Variants in PRSS23 observed in about 807,000 individuals in gnomAD.
PRSS23 encodes serine protease 23.
In PRSS23, 25 loss-of-function variants were observed where a neutral mutation model predicts 34.7. The ratio of observed to expected loss-of-function variants is 0.72; its 90% CI spans 0.53 to 1.01. The LOEUF (loss-of-function observed/expected upper bound fraction) is 1.01, where lower values mean the gene tolerates loss of function less well. Among genes scored for constraint, PRSS23 ranks in the 50% least tolerant of loss-of-function variants. The probability of loss-of-function intolerance (pLI) is 0.00; values close to 1 mark genes in which losing one functional copy is unlikely to be tolerated. For missense variants in PRSS23, 445 were observed against 475.6 expected (o/e 0.94, Z 0.60); for synonymous variants, 176 against 186.6 (o/e 0.94, Z 0.46).
intron 2 of PRSS23, among the ~76,000 whole-genome samples, chr11:86,919,268 G>A (rs191686003): frequency 6.6e-6 from 1 of 152,304 alleles, no homozygotes; most frequent in Admixed American, 6.5e-5. Context: ...TTGGGAACCA[G>A]ACTCTTTTTA....
chr11:86,912,683 A>C (rs1948985537), intron 2 of PRSS23, among the ~76,000 whole-genome samples: 1 of 152,138 alleles, frequency 6.6e-6, no homozygotes. Flanking sequence ...AATTCATTAT[A>C]AGTCTATTCT....
At chr11:86,879,163 C>T (rs1173845892) in intron 2 of PRSS23, among the ~76,000 whole-genome samples, 1 of 150,380 alleles carries the variant, frequency 6.6e-6, no homozygotes, top group Non-Finnish European at 1.5e-5. Context: ...GCCGCCATCC[C>T]ATCTAGGAAG....
chr11:86,795,759 T>C (rs998184577), upstream of PRSS23, among the ~76,000 whole-genome samples: 7 of 152,220 alleles, frequency 4.6e-5, no homozygotes, highest in Non-Finnish European at 8.8e-5. Flanking sequence ...CCCCACTTAC[T>C]GAGTAAACTA....
In PRSS23 at chr11:86,807,769, C is replaced by G; in HGVS notation, c.126C>G (p.Pro42=). The G allele has an allele frequency of 6.2e-7, 1 of 1,614,128 alleles. No individual in the cohort carries two copies. The highest frequency in any genetic ancestry group is 8.5e-7 in the Non-Finnish European group (1 of 1,180,024). ...CATACCGCCTCCCTGTCGTCTTGCC[C>G]CAGTCTACCCTCAATTTAGCCAAGC... ...WPAYRLPVVL[P]QSTLNLAKPD... is the part of the protein sequence containing the mutation. Residue 42 remains proline (P), a synonymous_variant, in exon 2 of 2, where the codon CCC becomes CCG. Transcript: ENST00000280258.
chr11:86,895,347 G>A (rs1948867061), intron 2 of PRSS23, among the ~76,000 whole-genome samples: 1 of 151,942 alleles, frequency 6.6e-6, no homozygotes, highest in Admixed American at 6.6e-5. Flanking sequence ...AATCCAGCTT[G>A]CAAGGTTATG....
At chr11:86,794,302 C>T (rs546220569) in intron 1 of PRSS23, among the ~76,000 whole-genome samples, 5 of 152,060 alleles carry the variant, frequency 3.3e-5, no homozygotes, top group African/African-American at 9.7e-5. Flanking sequence ...ATCAGAGAAG[C>T]CCCATGCTGG....
chr11:86,908,189 A>T (rs903899930), intron 2 of PRSS23, among the ~76,000 whole-genome samples: 1 of 152,168 alleles, frequency 6.6e-6, no homozygotes, highest in Non-Finnish European at 1.5e-5. Context: ...CAAGATCCTG[A>T]TTTCAATTCT....
chr11:86,874,602 G>C (rs934198985), intron 2 of PRSS23, among the ~76,000 whole-genome samples: 2 of 152,106 alleles, frequency 1.3e-5, no homozygotes, highest in African/African-American at 2.4e-5. Flanking sequence ...AAAACTAGTC[G>C]GAGTTTACCT....
At chr11:86,805,084 G>A (rs1948083848) in intron 1 of PRSS23, among the ~76,000 whole-genome samples, 1 of 152,200 alleles carries the variant, frequency 6.6e-6, no homozygotes, top group Non-Finnish European at 1.5e-5. Flanking sequence ...CTCAAAGGGA[G>A]GAGAGAATGG....
At chr11:86,910,837 C>T (rs1161913948) in intron 2 of PRSS23, 1 of 152,082 alleles carries the variant, frequency 6.6e-6, no homozygotes, top group Non-Finnish European at 1.5e-5. Context: ...TGTGACTCAT[C>T]TATTAGAGTG....
chr11:86,805,322 C>A (rs762485289), intron 1 of PRSS23, among the ~76,000 whole-genome samples: 1 of 152,172 alleles, frequency 6.6e-6, no homozygotes, highest in Non-Finnish European at 1.5e-5. Flanking sequence ...GTTGTCATCA[C>A]CACACCCATT....
chr11:86,918,362 G>T (rs1286196356), intron 2 of PRSS23, among the ~76,000 whole-genome samples: 2 of 152,086 alleles, frequency 1.3e-5, no homozygotes, highest in Non-Finnish European at 2.9e-5. Context: ...TTAAATCAAA[G>T]ATGTATTCAT....
intron 2 of PRSS23, among the ~76,000 whole-genome samples, chr11:86,854,099 C>G (rs923535938): frequency 6.6e-6 from 1 of 152,184 alleles, no homozygotes; most frequent in African/African-American, 2.4e-5. Context: ...CTCCCGGGTT[C>G]AAGCCATTCT....
At chr11:86,794,868 C>T (rs968685238) in intron 1 of PRSS23, among the ~76,000 whole-genome samples, 6 of 151,978 alleles carry the variant, frequency 3.9e-5, no homozygotes, top group Non-Finnish European at 5.9e-5. Flanking sequence ...CCTAAAAAAA[C>T]ACTGACAAAT....
At chr11:86,862,151 T>TC (rs1565369625) in intron 2 of PRSS23, among the ~76,000 whole-genome samples, 8 of 151,934 alleles carry the variant, frequency 5.3e-5, no homozygotes, top group Admixed American at 2.6e-4. Flanking sequence ...GAGGATGTTA[T>TC]TCCTCGCAAT....
At chr11:86,847,536 C>A (rs751985087) in intron 2 of PRSS23, among the ~76,000 whole-genome samples, 23 of 152,134 alleles carry the variant, frequency 1.5e-4, no homozygotes, top group Non-Finnish European at 3.1e-4. Context: ...TTAGGGGACA[C>A]CCTAAGGGAA....
At chr11:86,938,422 G>C (rs1192397755) in intron 2 of PRSS23, among the ~76,000 whole-genome samples, 1 of 152,180 alleles carries the variant, frequency 6.6e-6, no homozygotes, top group Non-Finnish European at 1.5e-5. Flanking sequence ...AGAATGAGCA[G>C]AAGGGCCACG....
chr11:86,845,523 A>T (rs1948480082), intron 2 of PRSS23, among the ~76,000 whole-genome samples: 1 of 152,192 alleles, frequency 6.6e-6, no homozygotes, highest in African/African-American at 2.4e-5. Flanking sequence ...AACTCATATG[A>T]CAGTGATGAG....
intron 2 of PRSS23, chr11:86,948,201 G>C (rs1372354795): frequency 2.0e-5 from 3 of 151,872 alleles, no homozygotes; most frequent in Non-Finnish European, 4.4e-5. Context: ...GGGTGTGGTG[G>C]CTCACACAGG....
Sources: gnomAD v4.1 joint callset for allele counts (sites outside exome capture counted in the v4.1 genomes callset) on GRCh38, gnomAD v4.1.1 for gene constraint, MANE v1.5 for transcripts, NCBI Gene and HGNC (gene_info 2026-07-23, HGNC 2026-07-21) for gene names.